Variants in NKAIN2 observed in about 807,000 individuals in gnomAD.
NKAIN2 encodes the protein sodium/potassium-transporting ATPase subunit beta-1-interacting protein 2.
A neutral mutation model predicts 32.6 loss-of-function variants in NKAIN2; 14 were observed. The ratio of observed to expected loss-of-function variants is 0.43; its 90% CI spans 0.28 to 0.67. The LOEUF (loss-of-function observed/expected upper bound fraction) is 0.67. NKAIN2 is among the 30% of genes least tolerant of loss of function. The probability of loss-of-function intolerance (pLI) is 0.17; values close to 1 mark genes in which losing one functional copy is unlikely to be tolerated. For synonymous variants in NKAIN2, 80 were observed against 87.2 expected, an observed-to-expected ratio of 0.92 and a Z score of 0.46; for missense variants, 198 against 258.3, an observed-to-expected ratio of 0.77 and a Z score of 1.60.
At chr6:124,485,741 G>A (rs1777624469) in intron 3 of NKAIN2, among the ~76,000 whole-genome samples, 1 of 152,064 alleles carries the variant, frequency 6.6e-6, no homozygotes, top group African/African-American at 2.4e-5. Context: ...TGTGCAGCAG[G>A]ATCCTTACTG....
chr6:124,657,692 T>A (rs938804012), intron 3 of NKAIN2, among the ~76,000 whole-genome samples: 7 of 151,830 alleles, frequency 4.6e-5, no homozygotes, highest in African/African-American at 1.5e-4. Context: ...TAAGTAAGGG[T>A]CTTACAAATT....
chr6:124,547,211 A>C (rs1215104533), intron 3 of NKAIN2, among the ~76,000 whole-genome samples: 1 of 152,222 alleles, frequency 6.6e-6, no homozygotes, highest in Non-Finnish European at 1.5e-5. Flanking sequence ...AAATGGTGTT[A>C]GAGAAAATTA....
At chr6:123,835,109 C>T (rs577185775) in intron 1 of NKAIN2, among the ~76,000 whole-genome samples, 1 of 152,234 alleles carries the variant, frequency 6.6e-6, no homozygotes, top group South Asian at 2.1e-4. Flanking sequence ...TGCTTCTATC[C>T]TCATTTTAGC....
At chr6:124,164,161 G>A (rs1788414899) in intron 1 of NKAIN2, among the ~76,000 whole-genome samples, 1 of 151,948 alleles carries the variant, frequency 6.6e-6, no homozygotes, top group Non-Finnish European at 1.5e-5. Context: ...AAATATTTTG[G>A]TACATTTATT....
At chr6:123,866,035 G>A (rs1775967328) in intron 1 of NKAIN2, among the ~76,000 whole-genome samples, 1 of 152,172 alleles carries the variant, frequency 6.6e-6, no homozygotes, top group Admixed American at 6.5e-5. Flanking sequence ...GGATACCATA[G>A]GTAGTTTTGG....
At chr6:124,327,126 C>T (rs1797449384) in intron 2 of NKAIN2, among the ~76,000 whole-genome samples, 1 of 151,866 alleles carries the variant, frequency 6.6e-6, no homozygotes, top group Admixed American at 6.6e-5. Flanking sequence ...GCCACACCCA[C>T]CCATATTCTG....
At chr6:124,076,624 T>G (rs987749631) in intron 1 of NKAIN2, among the ~76,000 whole-genome samples, 4 of 152,190 alleles carry the variant, frequency 2.6e-5, no homozygotes, top group Non-Finnish European at 4.4e-5. Context: ...AATATAGAAA[T>G]AGCAGAGTTA....
chr6:124,381,112 T>C (rs952793002), intron 3 of NKAIN2, among the ~76,000 whole-genome samples: 22 of 152,112 alleles, frequency 1.4e-4, no homozygotes, highest in African/African-American at 4.8e-4. Context: ...AAAAGTATAA[T>C]GAAAAAGCAT....
At chr6:124,691,998 T>C (rs1448385118) in intron 4 of NKAIN2, among the ~76,000 whole-genome samples, 5 of 152,240 alleles carry the variant, frequency 3.3e-5, no homozygotes, top group Admixed American at 6.5e-5. Flanking sequence ...TGTTATATTT[T>C]GTTAAAGGAT....
intron 1 of NKAIN2, among the ~76,000 whole-genome samples, chr6:123,918,145 G>T (rs753124550): frequency 6.6e-6 from 1 of 152,110 alleles, no homozygotes; most frequent in Non-Finnish European, 1.5e-5. Flanking sequence ...CCACTCCAGA[G>T]ACATATTGTT....
intron 1 of NKAIN2, among the ~76,000 whole-genome samples, chr6:123,989,721 A>G (rs1057365972): frequency 6.6e-6 from 1 of 152,060 alleles, no homozygotes; most frequent in African/African-American, 2.4e-5. Context: ...GTCACAGGGA[A>G]TTTTTTTTAA....
chr6:124,568,318 C>T (rs910431284), intron 3 of NKAIN2, among the ~76,000 whole-genome samples: 1 of 152,148 alleles, frequency 6.6e-6, no homozygotes, highest in African/African-American at 2.4e-5. Context: ...TAGGCCCTTA[C>T]AAATTTAACA....
At chr6:124,029,643 T>G (rs1781315434) in intron 1 of NKAIN2, among the ~76,000 whole-genome samples, 1 of 152,068 alleles carries the variant, frequency 6.6e-6, no homozygotes, top group Admixed American at 6.6e-5. Context: ...AAAATAGAAT[T>G]AACATGCAGA....
chr6:124,585,563 G>A (rs2114949785), intron 3 of NKAIN2, among the ~76,000 whole-genome samples: 1 of 152,186 alleles, frequency 6.6e-6, no homozygotes, highest in South Asian at 2.1e-4. Flanking sequence ...GTAAATATAT[G>A]CATCAAACAT....
At chr6:124,129,649 C>T (rs892769201) in intron 1 of NKAIN2, among the ~76,000 whole-genome samples, 37 of 151,960 alleles carry the variant, frequency 2.4e-4, no homozygotes, top group Non-Finnish European at 3.4e-4. Flanking sequence ...CGAAGTTTCC[C>T]TTTTGTTGCC....
intron 1 of NKAIN2, among the ~76,000 whole-genome samples, chr6:123,913,375 A>C (rs1483487526): frequency 6.6e-6 from 1 of 152,210 alleles, no homozygotes; most frequent in East Asian, 1.9e-4. Flanking sequence ...CACCTTCCCT[A>C]GAGAGCTCTA....
chr6:124,376,712 A>G (rs1800009102), intron 3 of NKAIN2, among the ~76,000 whole-genome samples: 1 of 152,160 alleles, frequency 6.6e-6, no homozygotes, highest in African/African-American at 2.4e-5. Flanking sequence ...TATAAAACAG[A>G]ATAATGTGAT....
At chr6:124,745,528 A>G (rs1242923076) in intron 4 of NKAIN2, among the ~76,000 whole-genome samples, 2 of 151,896 alleles carry the variant, frequency 1.3e-5, no homozygotes, top group African/African-American at 2.4e-5. Context: ...TCTTTTTTCT[A>G]AACAAAAATT....
At chr6:124,476,396 AC>A (rs1777213964) in intron 3 of NKAIN2, among the ~76,000 whole-genome samples, 2 of 60,524 alleles carry the variant, frequency 3.3e-5, no homozygotes, top group Non-Finnish European at 6.2e-5. Context: ...TATGTATGTG[AC>A]TGTGTGTGTG....
Sources: allele counts gnomAD v4.1 joint callset (sites outside exome capture counted in the v4.1 genomes callset), GRCh38; gene constraint gnomAD v4.1.1; transcripts MANE v1.5; gene names NCBI Gene and HGNC (gene_info 2026-07-23, HGNC 2026-07-21).